Variants in ADARB2 observed in about 807,000 individuals in gnomAD.
The protein encoded by ADARB2 is adenosine deaminase RNA specific B2 (inactive), also known as inactive double-stranded RNA-specific editase B2.
A neutral mutation model predicts 62.2 loss-of-function variants in ADARB2; 25 were observed. The ratio of observed to expected loss-of-function variants is 0.40; its 90% CI spans 0.29 to 0.56. The LOEUF (loss-of-function observed/expected upper bound fraction) is 0.56, where lower values mean the gene tolerates loss of function less well. ADARB2 is among the 20% of genes least tolerant of loss of function. The probability of loss-of-function intolerance (pLI) is 0.43; values close to 1 mark genes in which losing one functional copy is unlikely to be tolerated. For missense variants in ADARB2, 1,071 were observed against 1,077.4 expected, an observed-to-expected ratio of 0.99 and a Z score of 0.08; for synonymous variants, 572 against 500.8, an observed-to-expected ratio of 1.14 and a Z score of -1.90.
At chr10:1,559,452 C>T (rs1421934347) in intron 1 of ADARB2, among the ~76,000 whole-genome samples, 6 of 152,248 alleles carry the variant, frequency 3.9e-5, no homozygotes, top group South Asian at 2.1e-4. Flanking sequence ...ACTGGGTGGA[C>T]GCCTGTGCCC....
intron 8 of ADARB2, among the ~76,000 whole-genome samples, chr10:1,188,665 T>A (rs1836797152): frequency 6.6e-6 from 1 of 152,010 alleles, no homozygotes; most frequent in Admixed American, 6.6e-5. Context: ...TTGGGATGTT[T>A]CCTGAATACT....
At chr10:1,253,936 TG>T (rs1831057549) in intron 4 of ADARB2, among the ~76,000 whole-genome samples, 1 of 150,666 alleles carries the variant, frequency 6.6e-6, no homozygotes, top group Non-Finnish European at 1.5e-5. Flanking sequence ...TAAGATGCGA[TG>T]GGCTCTGGGT....
chr10:1,580,148 T>C (rs1417248534), intron 1 of ADARB2, among the ~76,000 whole-genome samples: 1 of 152,230 alleles, frequency 6.6e-6, no homozygotes, highest in Non-Finnish European at 1.5e-5. Context: ...GGAGTACATG[T>C]ACGTGTTTGT....
intron 1 of ADARB2, among the ~76,000 whole-genome samples, chr10:1,681,592 GT>G (rs1180941650): frequency 6.6e-6 from 1 of 152,164 alleles, no homozygotes; most frequent in Non-Finnish European, 1.5e-5. Context: ...CAGGGTCATG[GT>G]TTTCCCACCT....
chr10:1,492,323 G>T (rs965010791), intron 1 of ADARB2, among the ~76,000 whole-genome samples: 4 of 152,176 alleles, frequency 2.6e-5, no homozygotes, highest in Non-Finnish European at 5.9e-5. Context: ...ACTGTGTTTG[G>T]ATATTGGGTC....
chr10:1,192,832 A>C (rs1564216010), intron 8 of ADARB2, among the ~76,000 whole-genome samples: 1 of 152,218 alleles, frequency 6.6e-6, no homozygotes, highest in Non-Finnish European at 1.5e-5. Context: ...AGTCCCAGCT[A>C]CTTGGGAGTC....
intron 3 of ADARB2, among the ~76,000 whole-genome samples, chr10:1,300,621 C>T (rs1241161431): frequency 1.3e-5 from 2 of 152,188 alleles, no homozygotes; most frequent in African/African-American, 4.8e-5. Context: ...TAGCTGCCTC[C>T]CTGAGCATAG....
chr10:1,540,762 CATCCA>C lies in ADARB2; in HGVS notation c.101-161607_101-161603del, dbSNP rs1444117238. Among the ~76,000 whole-genome samples, 234 of 58,630 alleles carry C rather than the reference CATCCA, an allele frequency of 4.0e-3. 80 individuals carry two copies. The highest frequency in any genetic ancestry group is 7.3e-3 in the Non-Finnish European group (175 of 23,952). 38.5% of individuals were successfully genotyped at this position (58,630 alleles called of 152,430 possible). ...CGTAGTTCAGACCCTGGATCACAGC[CATCCA>C]GACCCCACTCAGATGTAGTTCAGAC... On this transcript the variant is annotated intron_variant, in intron 1 of 9. Transcript: ENST00000381312.
intron 1 of ADARB2, among the ~76,000 whole-genome samples, chr10:1,406,818 C>G (rs1289054698): frequency 6.6e-6 from 1 of 152,194 alleles, no homozygotes; most frequent in Non-Finnish European, 1.5e-5. Flanking sequence ...GATTCCTGCA[C>G]GTCCCAGGAC....
At chr10:1,212,647 C>T (rs1183632346) in intron 7 of ADARB2, among the ~76,000 whole-genome samples, 2 of 152,048 alleles carry the variant, frequency 1.3e-5, no homozygotes, top group Non-Finnish European at 2.9e-5. Flanking sequence ...TCCCTGAGTC[C>T]ACCCCACCAT....
At chr10:1,718,062 G>A (rs756941326) in intron 1 of ADARB2, among the ~76,000 whole-genome samples, 14 of 152,156 alleles carry the variant, frequency 9.2e-5, no homozygotes, top group Non-Finnish European at 1.6e-4. Context: ...AAGGAAGAAA[G>A]GAAGGGAGGG....
intron 3 of ADARB2, among the ~76,000 whole-genome samples, chr10:1,286,442 C>T (rs1295607447): frequency 4.6e-5 from 7 of 152,214 alleles, no homozygotes; most frequent in Non-Finnish European, 1.0e-4. Flanking sequence ...CTGGTAAAAA[C>T]CGATGTCCAA....
At chr10:1,206,281 C>G (rs1468053947) in intron 7 of ADARB2, among the ~76,000 whole-genome samples, 1 of 152,204 alleles carries the variant, frequency 6.6e-6, no homozygotes, top group African/African-American at 2.4e-5. Flanking sequence ...AGCCGGCTAC[C>G]TGCGCGGGGG....
intron 8 of ADARB2, among the ~76,000 whole-genome samples, chr10:1,192,469 T>C (rs1048325810): frequency 6.6e-6 from 1 of 152,262 alleles, no homozygotes; most frequent in Non-Finnish European, 1.5e-5. Flanking sequence ...TCTAAGGCTG[T>C]ATTAATGCCG....
chr10:1,255,124 C>T lies in ADARB2; in HGVS notation c.1193-12825G>A, dbSNP rs1463039396. 6.6e-6 allele frequency among the ~76,000 whole-genome samples: 1 copy of T among 152,256 alleles called. No individual in the cohort carries two copies. Among genetic ancestry groups the T allele is most frequent in the Non-Finnish European group, 1.5e-5 (1 of 68,046 alleles). On this transcript the variant is annotated intron_variant, in intron 4 of 9. Coordinates refer to ENST00000381312, the MANE Select transcript of ADARB2 (RefSeq NM_018702.4). This position sits in a 1 kb window ranked among gnomAD's most constrained non-coding sequence, Gnocchi z 4.7. ...CCGGGGCTCAGCCCCAGTGAGGGAGCAAGCGGGGCCAATGCTCTGAGCTCC... is the reference window on the plus strand; with the variant it reads ...CCGGGGCTCAGCCCCAGTGAGGGAGTAAGCGGGGCCAATGCTCTGAGCTCC...
At chr10:1,626,139 T>C (rs1833765469) in intron 1 of ADARB2, among the ~76,000 whole-genome samples, 4 of 124,508 alleles carry the variant, frequency 3.2e-5, no homozygotes, top group Admixed American at 8.1e-5. Context: ...CTGCCCATGC[T>C]CTCTCCTGCA....
chr10:1,591,012 C>T (rs1324098056), intron 1 of ADARB2, among the ~76,000 whole-genome samples: 1 of 152,236 alleles, frequency 6.6e-6, no homozygotes, highest in Admixed American at 6.5e-5. Context: ...CCACGCTGGG[C>T]TCCGCAAACA....
intron 1 of ADARB2, among the ~76,000 whole-genome samples, chr10:1,592,375 C>T (rs997540864): frequency 6.6e-4 from 65 of 99,210 alleles, no homozygotes; most frequent in African/African-American, 2.6e-3. Context: ...CCTCTGTCAC[C>T]CAGCTCCCTT....
intron 1 of ADARB2, among the ~76,000 whole-genome samples, chr10:1,415,416 G>C (rs1422782251): frequency 6.6e-6 from 1 of 152,102 alleles, no homozygotes; most frequent in African/African-American, 2.4e-5. Context: ...TAGATGAGTG[G>C]ATGAATAGAT....
Sources: gnomAD v4.1 joint callset for allele counts (sites outside exome capture counted in the v4.1 genomes callset) on GRCh38, gnomAD v4.1.1 for gene constraint, Gnocchi (gnomAD v3.1) non-coding constraint, MANE v1.5 for transcripts, NCBI Gene and HGNC (gene_info 2026-07-23, HGNC 2026-07-21) for gene names.